Variants in ATP6V1B2 observed in about 807,000 individuals in gnomAD.
The protein encoded by ATP6V1B2 is ATPase H+ transporting V1 subunit B2, also known as V-type proton ATPase subunit B, brain isoform.
In ATP6V1B2, 23 loss-of-function variants were observed where a neutral mutation model predicts 66.7. The ratio of observed to expected loss-of-function variants is 0.34; its 90% CI spans 0.25 to 0.49. The LOEUF (loss-of-function observed/expected upper bound fraction) is 0.49. Ranked by LOEUF, ATP6V1B2 falls within the 20% of genes least tolerant of loss-of-function variation. ATP6V1B2 has a pLI of 0.99. For missense variants in ATP6V1B2, 478 were observed against 650.8 expected, an observed-to-expected ratio of 0.73 and a Z score of 2.89; for synonymous variants, 278 against 236.7, an observed-to-expected ratio of 1.17 and a Z score of -1.60.
intron 9 of ATP6V1B2, 42 bp from the exon 10 acceptor site, chr8:20,214,776 G>T: frequency 6.4e-7 from 1 of 1,550,964 alleles, no homozygotes; most frequent in African/African-American, 1.4e-5. Context: ...CAAGCTTGTT[G>T]TAATATCGTG....
At chr8:20,204,926 G>T (rs1020739075) in intron 2 of ATP6V1B2, among the ~76,000 whole-genome samples, 4 of 152,144 alleles carry the variant, frequency 2.6e-5, no homozygotes, top group African/African-American at 9.7e-5. Flanking sequence ...CTTAAAAGAA[G>T]GGGCAAAGTG....
Position 20,214,882 on chromosome 8 carries a change from T to C in ATP6V1B2, c.992T>C (p.Leu331Ser). 1 of 1,613,636 alleles carries C rather than the reference T, an allele frequency of 6.2e-7. No homozygotes were observed. Among genetic ancestry groups the C allele is most frequent in the Non-Finnish European group, 8.5e-7 (1 of 1,179,714 alleles). Residue 331 changes from leucine to serine, a missense_variant, in exon 10 of 14, where the codon TTA becomes TCA. Coordinates refer to ENST00000276390, the MANE Select transcript of ATP6V1B2 (RefSeq NM_001693.4). ...TTTCCAGGTTACATGTATACAGATT[T>C]AGCCACGATATATGAACGCGCTGGG... ...RGFPGYMYTD[L>S]ATIYERAGRV... is the part of the protein sequence containing the mutation.
In ATP6V1B2 at chr8:20,221,289, T is replaced by TA. The variant is rs2072904202; in HGVS notation, c.*888dup. 1 of 152,194 alleles carries TA rather than the reference T, an allele frequency of 6.6e-6. No individual in the cohort carries two copies. Among genetic ancestry groups the TA allele is most frequent in the Non-Finnish European group, 1.5e-5 (1 of 68,030 alleles). The allele number at this position is 152,194 out of a possible 1,614,324, so 9.4% of individuals were successfully genotyped here. A position where few individuals can be genotyped will look rare whatever the true frequency, so the allele number is the denominator to read the frequency against. On this transcript the variant is annotated 3_prime_UTR_variant, in exon 14 of 14. Coordinates refer to ENST00000276390, the MANE Select transcript of ATP6V1B2 (RefSeq NM_001693.4). ...GGCAAGGGGAGGGAGCAGAAGCACT[T>TA]ATGTTTACGGATATTTTAAACTCTG...
chr8:20,204,587 C>A (rs746600467), intron 2 of ATP6V1B2, 48 bp downstream of exon 2: 9 of 1,502,204 alleles, frequency 6.0e-6, no homozygotes, highest in Admixed American at 5.3e-5. Context: ...AAAAATGTGG[C>A]ATTAAGTCCT....
At chr8:20,208,784 T>G (rs1464596085) in intron 2 of ATP6V1B2, among the ~76,000 whole-genome samples, 2 of 151,322 alleles carry the variant, frequency 1.3e-5, no homozygotes, top group Admixed American at 6.6e-5. Flanking sequence ...CTTGGCTCAC[T>G]GCAACCTCCG....
intron 2 of ATP6V1B2, among the ~76,000 whole-genome samples, chr8:20,205,494 C>G (rs1207386643): frequency 2.0e-5 from 3 of 152,064 alleles, no homozygotes; most frequent in Non-Finnish European, 4.4e-5. Context: ...TAGAAACCGT[C>G]TCTGAGGAAG....
intron 2 of ATP6V1B2, among the ~76,000 whole-genome samples, chr8:20,205,737 G>A (rs763125836): frequency 6.6e-6 from 1 of 152,158 alleles, no homozygotes; most frequent in Non-Finnish European, 1.5e-5. Flanking sequence ...ATGAAGCACT[G>A]CTGCCAACTA....
chr8:20,204,673 G>A, intron 2 of ATP6V1B2, 134 bp downstream of exon 2: 1 of 639,036 alleles, frequency 1.6e-6, no homozygotes, highest in South Asian at 2.8e-5. Context: ...CTAAAGCCCA[G>A]ATACCATGAT....
At chr8:20,198,272 G>A (rs1313025455) in intron 1 of ATP6V1B2, among the ~76,000 whole-genome samples, 1 of 152,178 alleles carries the variant, frequency 6.6e-6, no homozygotes, top group African/African-American at 2.4e-5. Context: ...TTAAATTCTC[G>A]CTGGGCCTTT....
In ATP6V1B2 at chr8:20,211,174, T is replaced by G; in HGVS notation, c.464-3T>G. 1 of 1,610,426 alleles carries G rather than the reference T, an allele frequency of 6.2e-7. No individual in the cohort carries two copies. On this transcript the variant is annotated splice_polypyrimidine_tract_variant and splice_region_variant and intron_variant, in intron 5 of 13. Transcript: ENST00000276390. ...GAAATTTTCCTTTTTGGAAATACAT[T>G]AGGTCAGCCAATCAACCCTCAATGT...
intron 1 of ATP6V1B2, among the ~76,000 whole-genome samples, chr8:20,203,355 T>A (rs921337559): frequency 5.3e-5 from 8 of 152,204 alleles, no homozygotes; most frequent in African/African-American, 1.9e-4. Flanking sequence ...TTACCAGGGC[T>A]CTGGCTTCCC....
At chr8:20,197,570 G>A (rs780224526) in intron 1 of ATP6V1B2, 28 bp downstream of exon 1, 2 of 1,349,652 alleles carry the variant, frequency 1.5e-6, no homozygotes, top group African/African-American at 1.5e-5. Flanking sequence ...ATACGTCTCC[G>A]GTCTTTGCTC....
Position 20,197,626 on chromosome 8 carries a change from AG to A in ATP6V1B2, c.136+89del. 10 of 1,279,602 alleles carry A rather than the reference AG, an allele frequency of 7.8e-6. No homozygotes were observed. In the South Asian group the frequency reaches 1.1e-4, roughly 15 times the overall value. The allele number at this position is 1,279,602 out of a possible 1,614,324, so 79.3% of individuals were successfully genotyped here. ...CCAGTCACCTGCTTAGCCAGCGGGT[AG>A]GGGGTAGGATTTGTTTTTCCCTCCC... On this transcript the variant is annotated intron_variant, in intron 1 of 13. Transcript: ENST00000276390.
Position 20,218,219 on chromosome 8 carries a change from A to G in ATP6V1B2, c.1333A>G (p.Thr445Ala), listed in dbSNP as rs1487472729. The change falls in exon 13 of 14, where the codon ACC (threonine) becomes GCC (alanine). Residue 445 changes from threonine (T) to alanine (A), a missense_variant. Thr to Ala is a moderately conservative substitution (Grantham distance 58). Transcript: ENST00000276390. ...AGCTGTCGTTGGAGAAGAAGCCCTT[A>G]CCTCAGATGATCTTCTCTACTTGGA... ...MKAVVGEEALTSDDLLYLEFL... is the reference protein window; with the variant it reads ...MKAVVGEEALASDDLLYLEFL... 8 of 1,613,460 alleles carry G rather than the reference A, an allele frequency of 5.0e-6. No homozygotes were observed. Among genetic ancestry groups the G allele is most frequent in the South Asian group, 2.2e-5 (2 of 91,064 alleles).
chr8:20,220,233 C>T (rs763552229), intron 13 of ATP6V1B2, 30 bp from the exon 14 acceptor site: 1 of 1,599,732 alleles, frequency 6.3e-7, no homozygotes, highest in Admixed American at 1.8e-5. Context: ...AAGTCATTTG[C>T]ATTTATTAAT....
At chr8:20,211,432 T>C in intron 6 of ATP6V1B2, 116 bp downstream of exon 6, 1 of 1,428,166 alleles carries the variant, frequency 7.0e-7, no homozygotes. Context: ...GTGTTATTGT[T>C]TGTATAATCC....
rs1188015899 is a variant in ATP6V1B2 at position 20,220,793 on chromosome 8, A to G, written c.*391A>G. On this transcript the variant is annotated 3_prime_UTR_variant, in exon 14 of 14. Transcript: ENST00000276390. ...ATGCTTTGGTCTCTACATTAGGGGC[A>G]AGATCCAGTCTGAGAGAAGTCTCCT... 6.4e-6 allele frequency: 1 copy of G among 156,368 alleles called. No homozygotes were observed. Among genetic ancestry groups the G allele is most frequent in the Non-Finnish European group, 1.4e-5 (1 of 71,302 alleles). The allele number at this position is 156,368 out of a possible 1,614,324, so 9.7% of individuals were successfully genotyped here.
chr8:20,203,966 A>C (rs17092154), intron 1 of ATP6V1B2: 46,659 of 455,454 alleles, frequency 0.1, 2,784 homozygotes, highest in Admixed American at 0.18. Context: ...CAGGCTATAC[A>C]ATTTCTCCAA....
At position 20,210,450 on chromosome 8, in the gene ATP6V1B2, A is replaced by G. The variant is rs1213894351; in HGVS notation, c.385+11A>G. On this transcript the variant is annotated intron_variant, in intron 4 of 13. Transcript: ENST00000276390. ...CTGAGGATATGCTTGGTAAATGGATATTATTCATTCTAAGCCGAGATCTGT... is the reference window on the plus strand; with the variant it reads ...CTGAGGATATGCTTGGTAAATGGATGTTATTCATTCTAAGCCGAGATCTGT... The G allele has an allele frequency of 1.2e-5, 20 of 1,611,494 alleles. No individual in the cohort carries two copies. The highest frequency in any genetic ancestry group is 1.7e-5 in the Admixed American group (1 of 59,942).
Sources: allele counts gnomAD v4.1 joint callset (sites outside exome capture counted in the v4.1 genomes callset), GRCh38; gene constraint gnomAD v4.1.1; transcripts MANE v1.5; gene names NCBI Gene and HGNC (gene_info 2026-07-23, HGNC 2026-07-21).